Variants in STMND1 observed in about 807,000 individuals in gnomAD.
STMND1 encodes stathmin domain-containing protein 1.
Under a neutral mutation model 23.0 loss-of-function variants are expected in STMND1, and 17 were observed. That is an observed-to-expected ratio of 0.74 (90% CI 0.51 to 1.11). The LOEUF (loss-of-function observed/expected upper bound fraction) is 1.11, where lower values mean the gene tolerates loss of function less well. Ranked by LOEUF, STMND1 falls within the 50% of genes least tolerant of loss-of-function variation. The pLI is 0.00. For synonymous variants in STMND1, 114 were observed against 119.9 expected, an observed-to-expected ratio of 0.95 and a Z score of 0.32; for missense variants, 305 against 329.1, an observed-to-expected ratio of 0.93 and a Z score of 0.57.
At chr6:17,127,548 TC>T (rs1761324480) in intron 3 of STMND1, among the ~76,000 whole-genome samples, 2 of 152,064 alleles carry the variant, frequency 1.3e-5, no homozygotes, top group Admixed American at 6.5e-5. Flanking sequence ...AGACTAGGTC[TC>T]AACAAAAAAC....
chr6:17,126,780 C>T (rs762646494), intron 3 of STMND1, among the ~76,000 whole-genome samples: 7 of 152,108 alleles, frequency 4.6e-5, no homozygotes, highest in African/African-American at 1.2e-4. Flanking sequence ...CCCCATAAAC[C>T]GTCCAATGGT....
chr6:17,120,576 CTT>C (rs1436542756), intron 2 of STMND1, 29 bp from the exon 3 acceptor site: 3 of 1,445,096 alleles, frequency 2.1e-6, no homozygotes, highest in Non-Finnish European at 2.7e-6. Context: ...TTAAATTTTG[CTT>C]TCTTTTTTCT....
At chr6:17,119,241 A>G (rs974042284) in intron 2 of STMND1, among the ~76,000 whole-genome samples, 6 of 152,218 alleles carry the variant, frequency 3.9e-5, no homozygotes, top group African/African-American at 1.2e-4. Context: ...GATAGGAGGA[A>G]AACTGTTGGA....
intron 3 of STMND1, chr6:17,127,982 A>T (rs1205422087): frequency 3.0e-5 from 3 of 99,648 alleles, no homozygotes; most frequent in Non-Finnish European, 6.7e-5. Context: ...TGCAGAGTAG[A>T]TATCTGGGAA....
At chr6:17,114,221 A>C (rs1761129341) in intron 1 of STMND1, among the ~76,000 whole-genome samples, 1 of 151,804 alleles carries the variant, frequency 6.6e-6, no homozygotes, top group African/African-American at 2.4e-5. Flanking sequence ...AATCCTATCT[A>C]GGGGTGATGG....
intron 3 of STMND1, chr6:17,128,504 A>G (rs1761337752): frequency 1.3e-5 from 2 of 152,208 alleles, no homozygotes; most frequent in African/African-American, 2.4e-5. Context: ...TTTTCATCTT[A>G]TATTCATTCT....
intron 3 of STMND1, 87 bp downstream of exon 3, chr6:17,120,845 C>A: frequency 9.0e-7 from 1 of 1,114,106 alleles, no homozygotes; most frequent in Non-Finnish European, 1.2e-6. Context: ...CCAGCATATG[C>A]AAGTTACAAT....
At chr6:17,112,637 C>T (rs1460296532) in intron 1 of STMND1, among the ~76,000 whole-genome samples, 4 of 152,016 alleles carry the variant, frequency 2.6e-5, no homozygotes, top group African/African-American at 9.7e-5. Context: ...ATTAGCCAGA[C>T]GTGGTGGCAG....
At chr6:17,125,297 A>G (rs906244272) in intron 3 of STMND1, among the ~76,000 whole-genome samples, 4 of 152,220 alleles carry the variant, frequency 2.6e-5, no homozygotes, top group Admixed American at 2.6e-4. Flanking sequence ...GTAAACAAAC[A>G]TTGGTTTTAC....
At chr6:17,110,016 A>G (rs570351629) in intron 1 of STMND1, among the ~76,000 whole-genome samples, 2 of 152,260 alleles carry the variant, frequency 1.3e-5, no homozygotes, top group African/African-American at 4.8e-5. Flanking sequence ...TTTCTGCTAC[A>G]CTGGAAGAAT....
intron 3 of STMND1, among the ~76,000 whole-genome samples, chr6:17,127,696 A>T (rs1262686697): frequency 7.9e-5 from 12 of 152,204 alleles, no homozygotes; most frequent in Non-Finnish European, 7.3e-5. Context: ...ATAGCATTAT[A>T]GTCTGGAGAA....
At chr6:17,120,300 C>T (rs1240189085) in intron 2 of STMND1, among the ~76,000 whole-genome samples, 6 of 152,144 alleles carry the variant, frequency 3.9e-5, no homozygotes, top group Non-Finnish European at 5.9e-5. Context: ...CCAACGTTGT[C>T]GTACCCAAGT....
intron 4 of STMND1, 54 bp downstream of exon 4, chr6:17,129,297 A>G: frequency 6.6e-7 from 1 of 1,514,832 alleles, no homozygotes; most frequent in South Asian, 1.2e-5. Flanking sequence ...TGTTAAAATG[A>G]TCTCACCCCA....
chr6:17,116,519 A>C (rs1432581685), intron 2 of STMND1, among the ~76,000 whole-genome samples: 1 of 151,942 alleles, frequency 6.6e-6, no homozygotes, highest in Non-Finnish European at 1.5e-5. Flanking sequence ...CGCTCACTGC[A>C]ACCTCCGCCT....
chr6:17,115,188 T>C lies in STMND1; in HGVS notation c.259+49T>C, dbSNP rs376787628. ...ACGTAGATCTTCACAAAATACTGTT[T>C]CTCTAAATACGTTTACAAGGTTTCT... On this transcript the variant is annotated intron_variant, in intron 2 of 4. Transcript: ENST00000536551. 6.5e-5 allele frequency: 97 copies of C among 1,483,844 alleles called. No individual in the cohort carries two copies. In the Middle Eastern group the frequency reaches 4.3e-3, roughly 66 times the overall value. The allele number at this position is 1,483,844 out of a possible 1,614,324, so 91.9% of individuals were successfully genotyped here.
chr6:17,120,599 T>C lies in STMND1; in HGVS notation c.260-8T>C. 1 of 1,463,226 alleles carries C rather than the reference T, an allele frequency of 6.8e-7. No homozygotes were observed. Among genetic ancestry groups the C allele is most frequent in the Non-Finnish European group, 9.0e-7 (1 of 1,113,736 alleles). The allele number at this position is 1,463,226 out of a possible 1,614,324, so 90.6% of individuals were successfully genotyped here. ...TGCTTTCTTTTTTCTTTTCTTCTTT[T>C]TTGGAAGACCTAGTGACCAATGGAT... On this transcript the variant is annotated splice_polypyrimidine_tract_variant and splice_region_variant and intron_variant, in intron 2 of 4. Transcript: ENST00000536551.
chr6:17,126,052 ATATATATATATATATATATTTTTTTT>A (rs1336664601), intron 3 of STMND1, among the ~76,000 whole-genome samples: 2 of 29,442 alleles, frequency 6.8e-5, no homozygotes, highest in Non-Finnish European at 1.2e-4. Flanking sequence ...ATATATATAT[ATATATATATATATATATATTTTTTTT>A]TTTTTTTTTT....
At chr6:17,120,783 A>G in intron 3 of STMND1, 25 bp downstream of exon 3, 1 of 1,493,474 alleles carries the variant, frequency 6.7e-7, no homozygotes, top group Non-Finnish European at 8.9e-7. Context: ...AATTAACATT[A>G]GCTTATAGTT....
At position 17,120,637 on chromosome 6, in the gene STMND1, C is replaced by T. The variant is rs1467800877; in HGVS notation, c.290C>T (p.Pro97Leu). The T allele has an allele frequency of 6.5e-7, 1 of 1,529,486 alleles. No individual in the cohort carries two copies. Among genetic ancestry groups the T allele is most frequent in the East Asian group, 2.5e-5 (1 of 40,810 alleles). 94.7% of individuals were successfully genotyped at this position (1,529,486 alleles called of 1,614,324 possible). A position where few individuals can be genotyped will look rare whatever the true frequency, so the allele number is the denominator to read the frequency against. ...GTGACCAATGGATTAATCAATAAAC[C>T]CCAATCCCTAGAGAGTCGAGAGCGA... Reference protein sequence around the residue: ...DLVTNGLINKPQSLESRERQK... With the variant: ...DLVTNGLINKLQSLESRERQK... Residue 97 changes from proline (P) to leucine (L), a missense_variant, in exon 3 of 5, where the codon CCC becomes CTC. Coordinates refer to ENST00000536551, the MANE Select transcript of STMND1 (RefSeq NM_001190766.2).
Sources: allele counts gnomAD v4.1 joint callset (sites outside exome capture counted in the v4.1 genomes callset), GRCh38; gene constraint gnomAD v4.1.1; transcripts MANE v1.5; gene names NCBI Gene and HGNC (gene_info 2026-07-23, HGNC 2026-07-21).